PSD3: variants seen among roughly 807,000 people sequenced by gnomAD.
The protein encoded by PSD3 is PH and SEC7 domain-containing protein 3.
In PSD3, 49 loss-of-function variants were observed where a neutral mutation model predicts 105.5. That is an observed-to-expected ratio of 0.46 (90% CI 0.37 to 0.59). PSD3 has a LOEUF of 0.59. Among genes scored for constraint, PSD3 ranks in the 20% least tolerant of loss-of-function variants. The probability of loss-of-function intolerance (pLI) is 0.00; values close to 1 mark genes in which losing one functional copy is unlikely to be tolerated. For missense variants in PSD3, 1,561 were observed against 1,263.8 expected, an observed-to-expected ratio of 1.24 and a Z score of -3.57; for synonymous variants, 557 against 457.8, an observed-to-expected ratio of 1.22 and a Z score of -2.77.
chr8:18,800,936 T>G (rs1163086797), intron 7 of PSD3: 1 of 159,664 alleles, frequency 6.3e-6, no homozygotes, highest in Non-Finnish European at 1.4e-5. Context: ...ATGAACAATT[T>G]AAAGAAAGTA....
chr8:18,748,301 C>T (rs891279684), intron 9 of PSD3, among the ~76,000 whole-genome samples: 2 of 152,108 alleles, frequency 1.3e-5, no homozygotes, highest in African/African-American at 4.8e-5. Context: ...GTATATACAA[C>T]TCTTTTTAAA....
chr8:18,889,034 G>A (rs17127404), intron 2 of PSD3, among the ~76,000 whole-genome samples: 7,008 of 151,376 alleles, frequency 0.046, 197 homozygotes, highest in Admixed American at 0.084. Context: ...AAATTTACAC[G>A]GGTCAGGTTA....
At chr8:18,657,631 A>G (rs187004997) in intron 9 of PSD3, among the ~76,000 whole-genome samples, 1 of 151,778 alleles carries the variant, frequency 6.6e-6, no homozygotes, top group East Asian at 2.0e-4. Flanking sequence ...ATGTATCAGG[A>G]GGCTGAACAC....
intron 9 of PSD3, among the ~76,000 whole-genome samples, chr8:18,693,207 C>T (rs552334201): frequency 6.6e-6 from 1 of 152,210 alleles, no homozygotes; most frequent in South Asian, 2.1e-4. Flanking sequence ...TGAATCAGAC[C>T]AGCTTGACAC....
chr8:18,806,573 C>A (rs536910162), intron 4 of PSD3, among the ~76,000 whole-genome samples: 18 of 152,312 alleles, frequency 1.2e-4, no homozygotes, highest in African/African-American at 4.3e-4. Context: ...CAAGGGCGGT[C>A]AGAATTTTTC....
intron 1 of PSD3, among the ~76,000 whole-genome samples, chr8:19,032,771 T>C (rs1446339626): frequency 3.3e-5 from 5 of 152,136 alleles, no homozygotes; most frequent in African/African-American, 1.2e-4. Flanking sequence ...TAGTAACTTA[T>C]AGCTGATGAA....
chr8:19,033,799 T>C (rs555183761), intron 1 of PSD3, among the ~76,000 whole-genome samples: 4 of 152,062 alleles, frequency 2.6e-5, no homozygotes, highest in African/African-American at 7.2e-5. Context: ...TATAACTGTA[T>C]GGATTTTAGT....
chr8:18,675,039 T>C (rs754837319), intron 9 of PSD3, among the ~76,000 whole-genome samples: 1 of 141,770 alleles, frequency 7.1e-6, no homozygotes, highest in Non-Finnish European at 1.6e-5. Context: ...AAAAGTGTCA[T>C]CAATCTATAT....
At chr8:18,842,310 C>A (rs11779137) in intron 4 of PSD3, among the ~76,000 whole-genome samples, 22,262 of 152,216 alleles carry the variant, frequency 0.15, 1,879 homozygotes, top group Admixed American at 0.27. Context: ...TTTTATAACC[C>A]TTTTGCGCTG....
At chr8:18,686,780 G>T (rs1476934871) in intron 9 of PSD3, among the ~76,000 whole-genome samples, 1 of 152,190 alleles carries the variant, frequency 6.6e-6, no homozygotes, top group East Asian at 1.9e-4. Flanking sequence ...ATGCATGGAA[G>T]GCAAGCTTGC....
rs555009682 is a variant in PSD3, at chr8:18,561,721, T to C, written c.2785-5369A>G. On this transcript the variant is annotated intron_variant, in intron 14 of 15. Transcript: ENST00000327040. ...AAAAATATTTAATTTTTTTCCTATTTATATAGTACTTAGGTTTTGAGAACA... is the reference window on the plus strand; with the variant it reads ...AAAAATATTTAATTTTTTTCCTATTCATATAGTACTTAGGTTTTGAGAACA... Among the ~76,000 whole-genome samples the C allele has an allele frequency of 2.6e-5, 4 of 152,290 alleles. No individual in the cohort carries two copies. In the East Asian group the frequency reaches 7.7e-4, roughly 29 times the overall value.
At chr8:18,960,210 C>T (rs1280466019) in intron 1 of PSD3, among the ~76,000 whole-genome samples, 1 of 152,120 alleles carries the variant, frequency 6.6e-6, no homozygotes, top group South Asian at 2.1e-4. Flanking sequence ...AGAACAAAGA[C>T]GATGCTCAAC....
At chr8:18,926,128 G>A (rs1267959735) in intron 2 of PSD3, among the ~76,000 whole-genome samples, 1 of 147,240 alleles carries the variant, frequency 6.8e-6, no homozygotes. Flanking sequence ...TTTTTTTACT[G>A]TTAAATATGT....
chr8:18,935,700 A>AC lies in PSD3; in HGVS notation c.130+333_130+334insG, dbSNP rs1414467036. ...GACAGAGCAAGACTTTGTCTCAAAA[A>AC]AAAAAAAACCACCAAAAATACATTA... On this transcript the variant is annotated intron_variant, in intron 2 of 15. Transcript: ENST00000327040. Among the ~76,000 whole-genome samples the AC allele has an allele frequency of 9.9e-5, 15 of 151,016 alleles. No individual in the cohort carries two copies. In the East Asian group the frequency reaches 2.7e-3, roughly 27 times the overall value.
At chr8:18,726,677 C>A (rs746683510) in intron 9 of PSD3, among the ~76,000 whole-genome samples, 4 of 152,144 alleles carry the variant, frequency 2.6e-5, no homozygotes, top group Non-Finnish European at 5.9e-5. Flanking sequence ...CTTTATAACC[C>A]CTAGAACATG....
At chr8:18,987,883 C>A (rs2129473262) in intron 1 of PSD3, among the ~76,000 whole-genome samples, 1 of 152,184 alleles carries the variant, frequency 6.6e-6, no homozygotes, top group East Asian at 1.9e-4. Flanking sequence ...TAATCTAAAT[C>A]TGAGTGTACA....
In PSD3 at chr8:18,529,724, A is replaced by G. The variant is rs1799555299; in HGVS notation, c.*6019T>C. The G allele has an allele frequency of 1.3e-5, 2 of 152,620 alleles. No individual in the cohort carries two copies. The highest frequency in any genetic ancestry group is 4.8e-5 in the African/African-American group (2 of 41,458). The allele number at this position is 152,620 out of a possible 1,614,324, so 9.5% of individuals were successfully genotyped here. On this transcript the variant is annotated 3_prime_UTR_variant, in exon 16 of 16. Coordinates refer to ENST00000327040, the MANE Select transcript of PSD3 (RefSeq NM_015310.4). ...ATGGTTACTTGGCTTTATAAACTCC[A>G]TGGCTTTATGTTTAAAGTCCAAACA...
chr8:18,656,472 T>C (rs549118215), intron 9 of PSD3, among the ~76,000 whole-genome samples: 22 of 147,836 alleles, frequency 1.5e-4, no homozygotes, highest in Non-Finnish European at 2.7e-4. Context: ...AGGATAGTTT[T>C]AGAGTTTCGA....
chr8:18,972,165 A>G (rs1169933743), intron 1 of PSD3, among the ~76,000 whole-genome samples: 1 of 152,226 alleles, frequency 6.6e-6, no homozygotes, highest in Non-Finnish European at 1.5e-5. Flanking sequence ...GATGAAAGCT[A>G]TTCATTAAAA....
Sources: allele counts gnomAD v4.1 joint callset (sites outside exome capture counted in the v4.1 genomes callset), GRCh38; gene constraint gnomAD v4.1.1; transcripts MANE v1.5; gene names NCBI Gene and HGNC (gene_info 2026-07-23, HGNC 2026-07-21).